Variants in MYO5B observed in about 807,000 individuals in gnomAD.
MYO5B encodes myosin VB.
A neutral mutation model predicts 229.3 loss-of-function variants in MYO5B; 143 were observed. The ratio of observed to expected loss-of-function variants is 0.62; its 90% CI spans 0.54 to 0.72. MYO5B has a LOEUF of 0.72. MYO5B is among the 30% of genes least tolerant of loss of function. The pLI, the probability that MYO5B is intolerant of heterozygous loss-of-function variation, is 0.00. For missense variants in MYO5B, 2,321 were observed against 2,331.0 expected, an observed-to-expected ratio of 1.00 and a Z score of 0.09; for synonymous variants, 918 against 885.2, an observed-to-expected ratio of 1.04 and a Z score of -0.66.
intron 10 of MYO5B, among the ~76,000 whole-genome samples, 197 bp from the exon 11 acceptor site, chr18:49,963,227 A>C (rs117206526): frequency 0.013 from 1,955 of 152,220 alleles, 17 homozygotes; most frequent in Non-Finnish European, 0.021. Flanking sequence ...TCTATTTTCA[A>C]AACTAGAAAA....
chr18:49,947,568 A>G (rs1461226261), intron 14 of MYO5B, among the ~76,000 whole-genome samples: 1 of 152,208 alleles, frequency 6.6e-6, no homozygotes, highest in Non-Finnish European at 1.5e-5. Context: ...GATCAGGGCA[A>G]TTGACAAACT....
At chr18:49,920,014 A>G (rs1183637800) in intron 17 of MYO5B, among the ~76,000 whole-genome samples, 1 of 152,230 alleles carries the variant, frequency 6.6e-6, no homozygotes, top group African/African-American at 2.4e-5. Context: ...GTTGCTGCGC[A>G]TGGATACATC....
intron 22 of MYO5B, among the ~76,000 whole-genome samples, chr18:49,889,636 G>T (rs908729394): frequency 2.0e-5 from 3 of 152,168 alleles, no homozygotes; most frequent in African/African-American, 7.2e-5. Context: ...CAGAGCAGTA[G>T]GTCACCTGAG....
At chr18:50,178,575 G>C (rs1436022047) in intron 1 of MYO5B, among the ~76,000 whole-genome samples, 1 of 152,186 alleles carries the variant, frequency 6.6e-6, no homozygotes, top group East Asian at 1.9e-4. Flanking sequence ...TTTACTTATT[G>C]AGTGAGATTC....
Position 50,055,460 on chromosome 18 carries a change from C to T in MYO5B, c.28-82G>A, listed in dbSNP as rs539245778. 1.6e-4 allele frequency: 187 copies of T among 1,145,950 alleles called. No individual in the cohort carries two copies. The South Asian group carries it at 2.3e-3, about 14-fold the overall frequency. 71.0% of individuals were successfully genotyped at this position (1,145,950 alleles called of 1,614,324 possible). A position where few individuals can be genotyped will look rare whatever the true frequency, so the allele number is the denominator to read the frequency against. On this transcript the variant is annotated intron_variant, in intron 1 of 39. Coordinates refer to ENST00000285039, the MANE Select transcript of MYO5B (RefSeq NM_001080467.3). ...ATGTGTGTCACTACCTAGAAAGTGC[C>T]CATCAGGAGAACTTCTAAAGCTATC...
At chr18:49,971,550 G>A (rs112769422) in intron 10 of MYO5B, among the ~76,000 whole-genome samples, 43 of 152,272 alleles carry the variant, frequency 2.8e-4, no homozygotes, top group East Asian at 2.7e-3. Flanking sequence ...CTGCTCTTCC[G>A]TTAATTTGTT....
intron 1 of MYO5B, among the ~76,000 whole-genome samples, chr18:50,154,962 G>T (rs117529042): frequency 0.034 from 5,213 of 152,310 alleles, 132 homozygotes; most frequent in Non-Finnish European, 0.055. Context: ...TATTTTTCAT[G>T]TTACACAAGG....
In MYO5B at chr18:50,169,165, T is replaced by C. The variant is rs758410140; in HGVS notation, c.27+25602A>G. Among the ~76,000 whole-genome samples, 3 of 125,430 alleles carry C rather than the reference T, an allele frequency of 2.4e-5. 1 individual carries two copies. Among genetic ancestry groups the C allele is most frequent in the Non-Finnish European group, 5.1e-5 (3 of 59,270 alleles). The allele number at this position is 125,430 out of a possible 152,430, so 82.3% of individuals were successfully genotyped here. A position where few individuals can be genotyped will look rare whatever the true frequency, so the allele number is the denominator to read the frequency against. On this transcript the variant is annotated intron_variant, in intron 1 of 39. Transcript: ENST00000285039. ...ACAAAAAATAAAACTAAAAAAAAGC[T>C]AGATGTGGCAGCACATGCCTGTGGT... is the stretch of plus-strand genomic sequence containing the variant.
chr18:49,943,228 A>AG (rs1446987568), intron 14 of MYO5B, among the ~76,000 whole-genome samples: 2 of 65,432 alleles, frequency 3.1e-5, no homozygotes, highest in East Asian at 1.1e-3. Context: ...GGGTGGGGGG[A>AG]GGGGGGAGGG....
chr18:49,853,996 C>T (rs1447534229), intron 30 of MYO5B, among the ~76,000 whole-genome samples: 1 of 152,230 alleles, frequency 6.6e-6, no homozygotes, highest in Non-Finnish European at 1.5e-5. Flanking sequence ...CTTAAAGCAT[C>T]TTTTAAATAA....
intron 1 of MYO5B, among the ~76,000 whole-genome samples, chr18:50,087,737 G>T (rs1392150727): frequency 6.6e-6 from 1 of 152,154 alleles, no homozygotes; most frequent in Non-Finnish European, 1.5e-5. Context: ...GTAGGGCTGT[G>T]TCATGAAGCC....
chr18:49,960,592 G>T (rs1023533806), intron 12 of MYO5B, among the ~76,000 whole-genome samples: 29 of 152,328 alleles, frequency 1.9e-4, no homozygotes, highest in African/African-American at 6.5e-4. Context: ...TGTTACTGAT[G>T]CTCTATCAGA....
rs773539770 is a variant in MYO5B at position 49,954,293 on chromosome 18, C to G, written c.1668+20G>C. On this transcript the variant is annotated intron_variant, in intron 13 of 39. Coordinates refer to ENST00000285039, the MANE Select transcript of MYO5B (RefSeq NM_001080467.3). ...GAGAGGGGCCAAGGGAATACCCGAG[C>G]CAACAGAGAGGAGAGCCACCTTGTC... The G allele has an allele frequency of 8.7e-6, 14 of 1,613,514 alleles. No individual in the cohort carries two copies. The highest frequency in any genetic ancestry group is 1.2e-5 in the Non-Finnish European group (14 of 1,179,656).
intron 1 of MYO5B, among the ~76,000 whole-genome samples, chr18:50,089,647 TATTA>T (rs888501323): frequency 1.3e-5 from 2 of 151,988 alleles, no homozygotes; most frequent in African/African-American, 2.4e-5. Flanking sequence ...TCGTAGGAGT[TATTA>T]ATTAATTATT....
chr18:49,920,519 G>C (rs1049037843), intron 17 of MYO5B, among the ~76,000 whole-genome samples: 11 of 152,068 alleles, frequency 7.2e-5, no homozygotes, highest in African/African-American at 2.7e-4. Context: ...GGGGAACACA[G>C]ACTCAGCCCC....
chr18:50,070,497 G>C (rs1432946245), intron 1 of MYO5B, among the ~76,000 whole-genome samples: 2 of 151,818 alleles, frequency 1.3e-5, no homozygotes, highest in Non-Finnish European at 2.9e-5. Context: ...TGGGGAGAGG[G>C]TCCTACTGGC....
At chr18:49,930,260 G>A (rs1336402612) in intron 16 of MYO5B, among the ~76,000 whole-genome samples, 3 of 152,202 alleles carry the variant, frequency 2.0e-5, no homozygotes, top group Non-Finnish European at 4.4e-5. Context: ...CGTTGTGTAT[G>A]CTGTTAGCTA....
chr18:49,879,712 C>T (rs1342590189), intron 23 of MYO5B, among the ~76,000 whole-genome samples: 2 of 152,166 alleles, frequency 1.3e-5, no homozygotes, highest in African/African-American at 2.4e-5. Flanking sequence ...TGCTCAAAAT[C>T]ACAGTGAGTT....
intron 1 of MYO5B, among the ~76,000 whole-genome samples, chr18:50,131,045 T>C (rs961190150): frequency 1.3e-5 from 2 of 152,190 alleles, no homozygotes; most frequent in Non-Finnish European, 2.9e-5. Context: ...CTTCAATTCT[T>C]ACAACTGATG....
Sources: gnomAD v4.1 joint callset for allele counts (sites outside exome capture counted in the v4.1 genomes callset) on GRCh38, gnomAD v4.1.1 for gene constraint, MANE v1.5 for transcripts, NCBI Gene and HGNC (gene_info 2026-07-23, HGNC 2026-07-21) for gene names.